ESS2: variants seen among roughly 807,000 people sequenced by gnomAD.
ESS2 encodes the protein ess-2 spliceosome associated protein.
Under a neutral mutation model 52.0 loss-of-function variants are expected in ESS2, and 31 were observed. That is an observed-to-expected ratio of 0.60 (90% CI 0.45 to 0.81). The LOEUF is 0.81. ESS2 is among the 30% of genes least tolerant of loss of function. ESS2 has a pLI of 0.00. For missense variants in ESS2, 602 were observed against 637.2 expected, an observed-to-expected ratio of 0.94 and a Z score of 0.59; for synonymous variants, 285 against 259.2, an observed-to-expected ratio of 1.10 and a Z score of -0.95.
At chr22:19,139,104 C>T in intron 6 of ESS2, 55 bp downstream of exon 6, 1 of 1,538,498 alleles carries the variant, frequency 6.5e-7, no homozygotes, top group Non-Finnish European at 8.7e-7. Flanking sequence ...CATGCCTGCC[C>T]CCAGGCAGCC....
Position 19,139,891 on chromosome 22 carries a change from G to T in ESS2, c.534C>A (p.His178Gln), listed in dbSNP as rs149239809. The change falls in exon 4 of 10, where the codon CAC (histidine) becomes CAA (glutamine). Residue 178 changes from histidine (H) to glutamine (Q), a missense_variant. His to Gln is a conservative substitution (Grantham distance 24). Transcript: ENST00000252137. ...EVAKERSRAR[H>Q]AWLYQAEEEF... ...CTTCCTCAGCCTGGTAGAGCCAAGC[G>T]TGGCGTGCCCGGCTTCTCTCCTTGG... The T allele has an allele frequency of 1.9e-6, 3 of 1,614,128 alleles. No individual in the cohort carries two copies. The South Asian group carries it at 3.3e-5, about 18-fold the overall frequency.
intron 3 of ESS2, among the ~76,000 whole-genome samples, chr22:19,141,482 GT>G (rs1175438221): frequency 2.0e-5 from 3 of 152,174 alleles, no homozygotes; most frequent in Non-Finnish European, 4.4e-5. Context: ...CCCCCATCAA[GT>G]CACGATGTTA....
rs773947416 is a variant in ESS2, at chr22:19,142,789, G to A, written c.241C>T (p.Arg81Cys). ...GAGCCAAACTTGATGGCAATCTGGCGCATCCGTTCCAAGTCTCCATTCTCC... is the reference window on the plus strand; with the variant it reads ...GAGCCAAACTTGATGGCAATCTGGCACATCCGTTCCAAGTCTCCATTCTCC... ...AEENGDLERM[R>C]QIAIKFGSAL... is the part of the protein sequence containing the mutation. The change falls in exon 2 of 10, where the codon CGC becomes TGC. Residue 81 changes from arginine to cysteine, a missense_variant. By Grantham distance (180) the Arg-to-Cys change is radical. Coordinates refer to ENST00000252137, the MANE Select transcript of ESS2 (RefSeq NM_022719.3). The A allele has an allele frequency of 1.9e-6, 3 of 1,614,148 alleles. No homozygotes were observed. Among genetic ancestry groups the A allele is most frequent in the East Asian group, 2.2e-5 (1 of 44,880 alleles).
intron 7 of ESS2, 85 bp from the exon 8 acceptor site, chr22:19,137,517 G>A: frequency 9.1e-7 from 1 of 1,099,194 alleles, no homozygotes; most frequent in Non-Finnish European, 1.3e-6. Flanking sequence ...CACCCAATGT[G>A]CATCCCAGCT....
At chr22:19,142,074 C>T (rs2083696079) in intron 3 of ESS2, among the ~76,000 whole-genome samples, 1 of 152,202 alleles carries the variant, frequency 6.6e-6, no homozygotes, top group South Asian at 2.1e-4. Flanking sequence ...CACAGAGCAC[C>T]AGTGGTGTTG....
intron 7 of ESS2, 22 bp from the exon 8 acceptor site, chr22:19,137,454 C>T (rs2146095583): frequency 1.3e-6 from 2 of 1,581,760 alleles, no homozygotes; most frequent in South Asian, 2.2e-5. Context: ...GAGCCCAAAA[C>T]CACCTCAGGC....
In ESS2 at chr22:19,138,224, G is replaced by C. The variant is rs982092347; in HGVS notation, c.916C>G (p.Pro306Ala). The C allele has an allele frequency of 6.2e-7, 1 of 1,614,042 alleles. No individual in the cohort carries two copies. The highest frequency in any genetic ancestry group is 8.5e-7 in the Non-Finnish European group (1 of 1,179,972). The change falls in exon 7 of 10, where the codon CCT (proline) becomes GCT (alanine). Residue 306 changes from proline (P) to alanine (A), a missense_variant. Pro to Ala is a conservative substitution (Grantham distance 27, BLOSUM62 -1). Coordinates refer to ENST00000252137, the MANE Select transcript of ESS2 (RefSeq NM_022719.3). Reference sequence around the variant, plus strand: ...TGGGCACTTTTCTCACCAGGGGCAGGGGAAGGAGTGGCAACAAATCCAAAT... The same window carrying C: ...TGGGCACTTTTCTCACCAGGGGCAGCGGAAGGAGTGGCAACAAATCCAAAT... Reference protein sequence around the residue: ...GGFGFVATPSPAPGVNESPMM... With the variant: ...GGFGFVATPSAAPGVNESPMM...
chr22:19,131,237 G>A lies in ESS2; in HGVS notation c.*2959C>T, dbSNP rs778409485. On this transcript the variant is annotated 3_prime_UTR_variant, in exon 10 of 10. Transcript: ENST00000252137. This position sits in a 1 kb window ranked among gnomAD's most constrained non-coding sequence, Gnocchi z 5.7. ...ACTCCTTGGCTTTATGAGTTCATTG[G>A]CTGAAGTCACCCGGAGACAATGCTG... The A allele has an allele frequency of 2.1e-5, 13 of 626,050 alleles. No homozygotes were observed. The highest frequency in any genetic ancestry group is 3.7e-5 in the Non-Finnish European group (13 of 355,526). The allele number at this position is 626,050 out of a possible 1,614,324, so 38.8% of individuals were successfully genotyped here.
At chr22:19,136,703 G>A (rs918757835) in intron 8 of ESS2, among the ~76,000 whole-genome samples, 1 of 152,006 alleles carries the variant, frequency 6.6e-6, no homozygotes, top group Admixed American at 6.6e-5. Context: ...TATCCCTCTC[G>A]CACGTTTGCC....
In ESS2 at chr22:19,134,467, G is replaced by C. The variant is rs1234617963; in HGVS notation, c.1160C>G (p.Pro387Arg). The change falls in exon 10 of 10, where the codon CCC (proline) becomes CGC (arginine). Residue 387 changes from proline to arginine, a missense_variant. Transcript: ENST00000252137. Reference protein sequence around the residue: ...RVTENLASLTPKGLSPAMSPA... With the variant: ...RVTENLASLTRKGLSPAMSPA... ...CGACATGGCTGGGCTCAGGCCTTTG[G>C]GGGTGAGGCTGGGGTGGAGGAATGG... 14 of 1,561,782 alleles carry C rather than the reference G, an allele frequency of 9.0e-6. No individual in the cohort carries two copies. Among genetic ancestry groups the C allele is most frequent in the Middle Eastern group, 1.7e-4 (1 of 5,794 alleles).
At chr22:19,138,132 G>A in intron 7 of ESS2, 83 bp downstream of exon 7, 1 of 1,593,630 alleles carries the variant, frequency 6.3e-7, no homozygotes, top group Non-Finnish European at 8.5e-7. Flanking sequence ...TAGAGGCCAG[G>A]AGTGGCCAGG....
chr22:19,142,386 A>G lies in ESS2; in HGVS notation c.400+152T>C, dbSNP rs569711069. On this transcript the variant is annotated intron_variant, in intron 3 of 9. Coordinates refer to ENST00000252137, the MANE Select transcript of ESS2 (RefSeq NM_022719.3). ...CCCAGATGTTCTACCACCTAGACCA[A>G]TGTCCTTTGACTTCACAGGCTGCTA... is the stretch of plus-strand genomic sequence containing the variant. 4 of 704,116 alleles carry G rather than the reference A, an allele frequency of 5.7e-6. No homozygotes were observed. The East Asian group carries it at 7.9e-5, about 14-fold the overall frequency. The allele number at this position is 704,116 out of a possible 1,614,324, so 43.6% of individuals were successfully genotyped here.
Position 19,132,386 on chromosome 22 carries a change from C to CGAGAACAGGATG in ESS2, c.*1798_*1809dup, listed in dbSNP as rs2083518653. ...ACCGGCTGCTGGTGGTGCCCGAGAA[C>CGAGAACAGGATG]GAGAACAGGATGGAGGACAGGCTGG... On this transcript the variant is annotated 3_prime_UTR_variant, in exon 10 of 10. Transcript: ENST00000252137. The surrounding 1 kb of genome is among the most constrained non-coding windows in gnomAD (Gnocchi z 4.2). 3 of 1,612,982 alleles carry CGAGAACAGGATG rather than the reference C, an allele frequency of 1.9e-6. No individual in the cohort carries two copies. The highest frequency in any genetic ancestry group is 2.5e-6 in the Non-Finnish European group (3 of 1,180,024).
chr22:19,134,262 G>C lies in ESS2; in HGVS notation c.1365C>G (p.Asp455Glu), dbSNP rs2083540913. Reference protein sequence around the residue: ...GSATRTPLTQDPASITDNLLQ... With the variant: ...GSATRTPLTQEPASITDNLLQ... Reference sequence around the variant, plus strand: ...GCAGGTTGTCCGTGATGGAGGCCGGGTCCTGTGTGAGAGGGGTGCGTGTGG... The same window carrying C: ...GCAGGTTGTCCGTGATGGAGGCCGGCTCCTGTGTGAGAGGGGTGCGTGTGG... The change falls in exon 10 of 10, where the codon GAC (aspartate) becomes GAG (glutamate). Residue 455 changes from aspartate (D) to glutamate (E), a missense_variant. Transcript: ENST00000252137. 6.3e-7 allele frequency: 1 copy of C among 1,576,998 alleles called. No homozygotes were observed. Among genetic ancestry groups the C allele is most frequent in the South Asian group, 1.1e-5 (1 of 87,814 alleles).
At chr22:19,138,063 G>C (rs2083615354) in intron 7 of ESS2, 152 bp downstream of exon 7, 2 of 1,467,400 alleles carry the variant, frequency 1.4e-6, no homozygotes, top group Non-Finnish European at 1.8e-6. Flanking sequence ...TGGCCTCTAG[G>C]GCCTTGTACA....
chr22:19,130,783 G>C lies in ESS2; in HGVS notation c.*3413C>G, dbSNP rs1015745374. On this transcript the variant is annotated 3_prime_UTR_variant, in exon 10 of 10. Coordinates refer to ENST00000252137, the MANE Select transcript of ESS2 (RefSeq NM_022719.3). The stretch of plus-strand genomic sequence containing the variant: ...TTTCTAGCTTTGATGTCTGGGCACT[G>C]ATTTCCCTAGATTTAACTATGTGCT... The C allele has an allele frequency of 4.7e-6, 1 of 212,676 alleles. No homozygotes were observed. Among genetic ancestry groups the C allele is most frequent in the Non-Finnish European group, 9.4e-6 (1 of 106,240 alleles). The allele number at this position is 212,676 out of a possible 1,614,324, so 13.2% of individuals were successfully genotyped here. A position where few individuals can be genotyped will look rare whatever the true frequency, so the allele number is the denominator to read the frequency against.
At chr22:19,138,032 GC>G in intron 7 of ESS2, 182 bp downstream of exon 7, 1 of 985,346 alleles carries the variant, frequency 1.0e-6, no homozygotes. Context: ...CCCACCCACG[GC>G]CCCAAGCAGC....
chr22:19,136,102 G>A (rs1204156241), intron 8 of ESS2, among the ~76,000 whole-genome samples: 1 of 151,602 alleles, frequency 6.6e-6, no homozygotes, highest in Non-Finnish European at 1.5e-5. Flanking sequence ...CACTTTGGGA[G>A]GCTGAGGTGG....
chr22:19,136,909 A>C (rs1275438859), intron 8 of ESS2, among the ~76,000 whole-genome samples: 1 of 152,054 alleles, frequency 6.6e-6, no homozygotes, highest in African/African-American at 2.4e-5. Context: ...CTCCACCCTG[A>C]CCACTCCTAC....
Sources: allele counts gnomAD v4.1 joint callset (sites outside exome capture counted in the v4.1 genomes callset), GRCh38; gene constraint gnomAD v4.1.1; non-coding constraint Gnocchi (gnomAD v3.1); transcripts MANE v1.5; gene names NCBI Gene and HGNC (gene_info 2026-07-23, HGNC 2026-07-21).